Variants in MGMT observed in about 807,000 individuals in gnomAD.
The protein encoded by MGMT is methylated-DNA--protein-cysteine methyltransferase.
A neutral mutation model predicts 15.9 loss-of-function variants in MGMT; 14 were observed. The ratio of observed to expected loss-of-function variants is 0.88; its 90% confidence interval spans 0.58 to 1.37. MGMT has a LOEUF of 1.37. Ranked by LOEUF, MGMT falls within the 40% of genes most tolerant of loss-of-function variation. The pLI, the probability that MGMT is intolerant of heterozygous loss-of-function variation, is 0.00. For missense variants in MGMT, 282 were observed against 268.1 expected, an observed-to-expected ratio of 1.05 and a Z score of -0.36; for synonymous variants, 130 against 118.2, an observed-to-expected ratio of 1.10 and a Z score of -0.65.
intron 1 of MGMT, among the ~76,000 whole-genome samples, chr10:129,534,931 C>G (rs987552080): frequency 1.3e-5 from 2 of 152,132 alleles, no homozygotes; most frequent in Non-Finnish European, 2.9e-5. Flanking sequence ...CACACTGCCT[C>G]TGTCACAACT....
intron 2 of MGMT, among the ~76,000 whole-genome samples, chr10:129,609,310 C>CT (rs1317568620): frequency 6.6e-6 from 1 of 151,800 alleles, no homozygotes; most frequent in Non-Finnish European, 1.5e-5. Context: ...CCCCTGGAGG[C>CT]TGGGTGGTAG....
At chr10:129,648,949 G>A (rs911622025) in intron 2 of MGMT, among the ~76,000 whole-genome samples, 3 of 152,180 alleles carry the variant, frequency 2.0e-5, no homozygotes, top group African/African-American at 4.8e-5. Flanking sequence ...TGGTCTGGGC[G>A]GAGGGAGCTT....
intron 1 of MGMT, among the ~76,000 whole-genome samples, chr10:129,524,387 C>G (rs1391733754): frequency 6.6e-6 from 1 of 152,150 alleles, no homozygotes; most frequent in Non-Finnish European, 1.5e-5. Context: ...GGACGTGTCT[C>G]CCAGCTCTGC....
chr10:129,650,922 G>A (rs1254346342), intron 2 of MGMT, among the ~76,000 whole-genome samples: 1 of 152,202 alleles, frequency 6.6e-6, no homozygotes, highest in East Asian at 1.9e-4. Context: ...CCCGCATTGT[G>A]GCCAGGACTT....
At chr10:129,544,308 G>C (rs1323207872) in intron 2 of MGMT, among the ~76,000 whole-genome samples, 2 of 152,192 alleles carry the variant, frequency 1.3e-5, no homozygotes, top group Non-Finnish European at 2.9e-5. Flanking sequence ...GCACGTTGCC[G>C]CCACAGCCAG....
chr10:129,663,296 A>G (rs1399590310), intron 2 of MGMT, among the ~76,000 whole-genome samples: 2 of 152,274 alleles, frequency 1.3e-5, no homozygotes, highest in Non-Finnish European at 2.9e-5. Context: ...CCAACGTAAT[A>G]GAATGTCTGT....
intron 2 of MGMT, among the ~76,000 whole-genome samples, chr10:129,577,834 T>TC (rs1846503444): frequency 6.6e-6 from 1 of 150,532 alleles, no homozygotes; most frequent in South Asian, 2.1e-4. Flanking sequence ...TCAAAGAAAT[T>TC]TACAAGAAAA....
At chr10:129,744,519 T>C (rs1848671926) in intron 3 of MGMT, among the ~76,000 whole-genome samples, 1 of 152,186 alleles carries the variant, frequency 6.6e-6, no homozygotes, top group African/African-American at 2.4e-5. Flanking sequence ...CCAGGGACCA[T>C]ACTAAAGCAG....
chr10:129,594,610 A>G (rs1218820769), intron 2 of MGMT, among the ~76,000 whole-genome samples: 1 of 152,196 alleles, frequency 6.6e-6, no homozygotes, highest in East Asian at 1.9e-4. Context: ...CCTGCCTAAC[A>G]TACCACAGCA....
At chr10:129,554,096 T>C (rs1056852855) in intron 2 of MGMT, among the ~76,000 whole-genome samples, 19 of 152,164 alleles carry the variant, frequency 1.2e-4, no homozygotes, top group African/African-American at 4.6e-4. Flanking sequence ...ATGAGAAAGA[T>C]GGGGAGAGCT....
At chr10:129,706,737 C>G (rs1848167794) in intron 2 of MGMT, among the ~76,000 whole-genome samples, 1 of 152,168 alleles carries the variant, frequency 6.6e-6, no homozygotes, top group East Asian at 1.9e-4. Flanking sequence ...CACTCCACAG[C>G]CCCAGGTGGC....
At chr10:129,620,039 C>T (rs1295199178) in intron 2 of MGMT, among the ~76,000 whole-genome samples, 2 of 152,188 alleles carry the variant, frequency 1.3e-5, no homozygotes, top group Admixed American at 1.3e-4. Context: ...ACTATGTCAG[C>T]CTGACAGACC....
intron 2 of MGMT, among the ~76,000 whole-genome samples, chr10:129,632,108 G>A (rs1847216805): frequency 1.3e-5 from 2 of 152,326 alleles, no homozygotes; most frequent in African/African-American, 4.8e-5. Flanking sequence ...TGCATGTGTT[G>A]TAGTGGGATA....
intron 2 of MGMT, among the ~76,000 whole-genome samples, chr10:129,653,756 CAGCCTTCTGGGA>C (rs1847490976): frequency 6.6e-6 from 1 of 152,252 alleles, no homozygotes; most frequent in South Asian, 2.1e-4. Context: ...GTGGCCGTCA[CAGCCTTCTGGGA>C]AGGCTATTTC....
chr10:129,686,934 C>T (rs1847910905), intron 2 of MGMT, among the ~76,000 whole-genome samples: 1 of 152,048 alleles, frequency 6.6e-6, no homozygotes, highest in South Asian at 2.1e-4. Flanking sequence ...CTCCTAAGAA[C>T]AAAAACATGA....
chr10:129,763,898 ACAGT>A (rs1460861448), intron 4 of MGMT, among the ~76,000 whole-genome samples: 2 of 152,188 alleles, frequency 1.3e-5, no homozygotes, highest in Non-Finnish European at 2.9e-5. Context: ...AATGTTAAAA[ACAGT>A]CAGCCCTCCG....
intron 2 of MGMT, among the ~76,000 whole-genome samples, chr10:129,687,283 T>A (rs903735450): frequency 6.6e-6 from 1 of 152,154 alleles, no homozygotes; most frequent in Non-Finnish European, 1.5e-5. Flanking sequence ...GGTACATATA[T>A]TGAATTGTTA....
intron 3 of MGMT, among the ~76,000 whole-genome samples, chr10:129,720,444 A>G (rs1848356655): frequency 1.3e-5 from 2 of 151,582 alleles, no homozygotes; most frequent in Non-Finnish European, 2.9e-5. Flanking sequence ...CTCTCCCCCA[A>G]CCCTCCCACA....
intron 2 of MGMT, among the ~76,000 whole-genome samples, chr10:129,683,101 G>A (rs528432208): frequency 2.2e-4 from 33 of 152,294 alleles, no homozygotes; most frequent in African/African-American, 7.2e-4. Flanking sequence ...CACCAGCCTC[G>A]GCCTCCCTAA....
Sources: allele counts gnomAD v4.1 joint callset (sites outside exome capture counted in the v4.1 genomes callset), GRCh38; gene constraint gnomAD v4.1.1; transcripts MANE v1.5; gene names NCBI Gene and HGNC (gene_info 2026-07-23, HGNC 2026-07-21).